The following ZMAT4 variants were observed in gnomAD, a reference collection of about 807,000 sequenced individuals.
ZMAT4 encodes zinc finger matrin-type protein 4.
Under a neutral mutation model 28.7 loss-of-function variants are expected in ZMAT4, and 17 were observed. That is an observed-to-expected ratio of 0.59 (90% CI 0.41 to 0.89). The LOEUF (loss-of-function observed/expected upper bound fraction) is 0.89. Among genes scored for constraint, ZMAT4 ranks in the 40% least tolerant of loss-of-function variants. The probability of loss-of-function intolerance (pLI) is 0.00; values close to 1 mark genes in which losing one functional copy is unlikely to be tolerated. For synonymous variants in ZMAT4, 117 were observed against 109.2 expected, an observed-to-expected ratio of 1.07 and a Z score of -0.44; for missense variants, 240 against 283.8, an observed-to-expected ratio of 0.85 and a Z score of 1.11.
At chr8:40,606,826 T>C in intron 5 of ZMAT4, among the ~76,000 whole-genome samples, 1 of 152,216 alleles carries the variant, frequency 6.6e-6, no homozygotes, top group East Asian at 1.9e-4. Context: ...CTCTTCTTCA[T>C]AGGGAACACC....
chr8:40,817,799 T>C (rs7816453), intron 2 of ZMAT4, among the ~76,000 whole-genome samples: 110,315 of 152,170 alleles, frequency 0.72, 40,284 homozygotes, highest in East Asian at 0.84. Flanking sequence ...GTGTGTGTTC[T>C]ATGTCAGGGA....
At chr8:40,661,919 T>TAACC (rs770673612) in intron 5 of ZMAT4, among the ~76,000 whole-genome samples, 5 of 152,344 alleles carry the variant, frequency 3.3e-5, no homozygotes, top group South Asian at 2.1e-4. Context: ...TTTCACATGA[T>TAACC]ATTGTCAGCT....
chr8:40,545,711 G>T (rs1490993061), intron 6 of ZMAT4, among the ~76,000 whole-genome samples: 1 of 152,110 alleles, frequency 6.6e-6, no homozygotes, highest in Non-Finnish European at 1.5e-5. Flanking sequence ...CCTTCAGAGG[G>T]AGCACAACCT....
chr8:40,563,019 A>C (rs1480385380), intron 6 of ZMAT4, among the ~76,000 whole-genome samples: 2 of 152,082 alleles, frequency 1.3e-5, no homozygotes, highest in African/African-American at 2.4e-5. Context: ...CTACTCCCAT[A>C]TCAGACACTT....
chr8:40,801,391 G>T (rs1458969594), intron 2 of ZMAT4, among the ~76,000 whole-genome samples: 1 of 133,056 alleles, frequency 7.5e-6, no homozygotes, highest in Admixed American at 7.3e-5. Context: ...TATTCGGTGG[G>T]GTGCGGTGGC....
intron 2 of ZMAT4, among the ~76,000 whole-genome samples, chr8:40,794,168 A>G (rs1191905827): frequency 6.6e-6 from 1 of 152,224 alleles, no homozygotes; most frequent in African/African-American, 2.4e-5. Flanking sequence ...GTGTTGATGC[A>G]TAATGTGGTG....
intron 5 of ZMAT4, among the ~76,000 whole-genome samples, chr8:40,633,529 G>T (rs1047414582): frequency 6.6e-6 from 1 of 152,152 alleles, no homozygotes; most frequent in Non-Finnish European, 1.5e-5. Flanking sequence ...GTTAGTGAGG[G>T]TAGCACATAA....
chr8:40,568,211 G>C (rs549015973), intron 6 of ZMAT4, among the ~76,000 whole-genome samples: 1 of 152,224 alleles, frequency 6.6e-6, no homozygotes, highest in Non-Finnish European at 1.5e-5. Context: ...TTGTCAAAGA[G>C]CTAGAGGAAG....
At chr8:40,547,323 C>T (rs1300690763) in intron 6 of ZMAT4, among the ~76,000 whole-genome samples, 1 of 152,184 alleles carries the variant, frequency 6.6e-6, no homozygotes, top group African/African-American at 2.4e-5. Context: ...ATGGGTCTCT[C>T]ACAATCTGAC....
chr8:40,791,281 G>T (rs560869115), intron 2 of ZMAT4, among the ~76,000 whole-genome samples: 1 of 152,188 alleles, frequency 6.6e-6, no homozygotes, highest in South Asian at 2.1e-4. Context: ...GATGTGACCA[G>T]GTTCCAAAAT....
intron 3 of ZMAT4, among the ~76,000 whole-genome samples, chr8:40,703,422 T>A (rs1240499921): frequency 6.6e-6 from 1 of 152,212 alleles, no homozygotes; most frequent in Non-Finnish European, 1.5e-5. Flanking sequence ...TACAGGCTAC[T>A]GTATGGATGA....
At chr8:40,609,652 AG>A (rs1205391703) in intron 5 of ZMAT4, among the ~76,000 whole-genome samples, 2 of 149,422 alleles carry the variant, frequency 1.3e-5, no homozygotes, top group African/African-American at 5.1e-5. Context: ...ATGACAAAAT[AG>A]TAAGGTAAGA....
At chr8:40,737,170 C>T (rs1234585072) in intron 3 of ZMAT4, among the ~76,000 whole-genome samples, 1 of 151,974 alleles carries the variant, frequency 6.6e-6, no homozygotes, top group African/African-American at 2.4e-5. Context: ...TGTGGCCCAA[C>T]ACAAATTTGT....
intron 5 of ZMAT4, among the ~76,000 whole-genome samples, chr8:40,627,940 A>T (rs78004634): frequency 0.016 from 2,387 of 152,266 alleles, 55 homozygotes; most frequent in African/African-American, 0.054. Flanking sequence ...GTGAGAGGGG[A>T]GGCCACCTGC....
chr8:40,688,161 A>G (rs1210797280), intron 4 of ZMAT4, among the ~76,000 whole-genome samples: 1 of 152,170 alleles, frequency 6.6e-6, no homozygotes. Context: ...CAACAAATTT[A>G]ATAAAATAAA....
Position 40,609,175 on chromosome 8 carries a change from G to A in ZMAT4, c.578-27914C>T, listed in dbSNP as rs116402687. ...AAATTCTATAAAAAGTAAATTAGTA[G>A]GAAAATATAATAAAAACAAAAGCTT... On this transcript the variant is annotated intron_variant, in intron 5 of 6. Transcript: ENST00000297737. Among the ~76,000 whole-genome samples, 575 of 152,126 alleles carry A rather than the reference G, an allele frequency of 3.8e-3. 2 individuals are homozygous for A. Among genetic ancestry groups the A allele is most frequent in the African/African-American group, 0.013 (550 of 41,484 alleles).
At chr8:40,694,196 T>G (rs924219198) in intron 4 of ZMAT4, among the ~76,000 whole-genome samples, 5 of 152,160 alleles carry the variant, frequency 3.3e-5, no homozygotes, top group Non-Finnish European at 5.9e-5. Context: ...TGCTGCTGGG[T>G]GTGGCTGCAG....
At chr8:40,693,745 G>A (rs1809756226) in intron 4 of ZMAT4, among the ~76,000 whole-genome samples, 1 of 152,200 alleles carries the variant, frequency 6.6e-6, no homozygotes. Context: ...CAGCGGCTCT[G>A]CCAAGCATTT....
intron 1 of ZMAT4, among the ~76,000 whole-genome samples, chr8:40,827,589 C>T (rs1469073094): frequency 6.6e-6 from 1 of 152,222 alleles, no homozygotes; most frequent in Non-Finnish European, 1.5e-5. Context: ...CATTTGTCTT[C>T]AGCAATTCAA....
Sources: allele counts gnomAD v4.1 joint callset (sites outside exome capture counted in the v4.1 genomes callset), GRCh38; gene constraint gnomAD v4.1.1; transcripts MANE v1.5; gene names NCBI Gene and HGNC (gene_info 2026-07-23, HGNC 2026-07-21).